ITSN2: variants seen among roughly 807,000 people sequenced by gnomAD.
The protein encoded by ITSN2 is intersectin-2.
A neutral mutation model predicts 243.7 loss-of-function variants in ITSN2; 156 were observed. The observed-to-expected ratio is 0.64, with a 90% confidence interval of 0.56 to 0.73. The LOEUF is 0.73. Ranked by LOEUF, ITSN2 falls within the 30% of genes least tolerant of loss-of-function variation. The pLI, the probability that ITSN2 is intolerant of heterozygous loss-of-function variation, is 0.00. For missense variants in ITSN2, 1,801 were observed against 1,996.1 expected, an observed-to-expected ratio of 0.90 and a Z score of 1.86; for synonymous variants, 703 against 699.9, an observed-to-expected ratio of 1.00 and a Z score of -0.07.
chr2:24,254,571 T>G, intron 23 of ITSN2, 140 bp from the exon 24 acceptor site: 1 of 575,736 alleles, frequency 1.7e-6, no homozygotes, highest in East Asian at 2.8e-5. Context: ...TACACAGAAC[T>G]GGGAAGACTT....
At chr2:24,347,917 T>C (rs1484343026) in intron 1 of ITSN2, among the ~76,000 whole-genome samples, 2 of 151,744 alleles carry the variant, frequency 1.3e-5, no homozygotes, top group African/African-American at 4.8e-5. Context: ...ACCAATAATT[T>C]TAAAATTAGC....
rs1424489477 is a variant in ITSN2, at chr2:24,284,760, A to G, written c.1944+3T>C. On this transcript the variant is annotated splice_donor_region_variant and intron_variant, in intron 17 of 39. Transcript: ENST00000355123. ...GAAAAGAAGCTAGATATTAGAAAATAACCTTAAGTAAGAGGAAGAGGTTGT... is the reference window on the plus strand; with the variant it reads ...GAAAAGAAGCTAGATATTAGAAAATGACCTTAAGTAAGAGGAAGAGGTTGT... 1 of 1,552,640 alleles carries G rather than the reference A, an allele frequency of 6.4e-7. No homozygotes were observed. The highest frequency in any genetic ancestry group is 8.9e-7 in the Non-Finnish European group (1 of 1,127,448).
Position 24,257,869 on chromosome 2 carries a change from A to C in ITSN2, c.2888+19T>G. 6.3e-7 allele frequency: 1 copy of C among 1,582,832 alleles called. No homozygotes were observed. Among genetic ancestry groups the C allele is most frequent in the Non-Finnish European group, 8.7e-7 (1 of 1,151,656 alleles). ...AATACCAACATCCACATCTCATGAAAACACATAAAGATGCTTACTCTTCCC... is the reference window on the plus strand; with the variant it reads ...AATACCAACATCCACATCTCATGAACACACATAAAGATGCTTACTCTTCCC... On this transcript the variant is annotated intron_variant, in intron 23 of 39. Coordinates refer to ENST00000355123, the MANE Select transcript of ITSN2 (RefSeq NM_006277.3).
In ITSN2 at chr2:24,217,987, T is replaced by G; in HGVS notation, c.3726A>C (p.Ser1242=). The G allele has an allele frequency of 6.2e-7, 1 of 1,613,978 alleles. No individual in the cohort carries two copies. The highest frequency in any genetic ancestry group is 8.5e-7 in the Non-Finnish European group (1 of 1,179,864). ...CCATCTCCCCTTCAGTGAGAAAGCC[T>G]GACTCTGCCATGCGTTTCTGAAAAA... is the stretch of plus-strand genomic sequence containing the variant. ...VEVFQKRMAE[S]GFLTEGEMAL... is the part of the protein sequence containing the mutation. The change falls in exon 31 of 40, where the codon TCA becomes TCC. Residue 1242 remains serine (S), a synonymous_variant. Coordinates refer to ENST00000355123, the MANE Select transcript of ITSN2 (RefSeq NM_006277.3).
At chr2:24,343,295 T>C (rs1259205640) in intron 1 of ITSN2, among the ~76,000 whole-genome samples, 2 of 152,158 alleles carry the variant, frequency 1.3e-5, no homozygotes, top group Admixed American at 6.5e-5. Flanking sequence ...ATTAGCAGTT[T>C]TGAATAGATT....
Position 24,212,766 on chromosome 2 carries a change from G to T in ITSN2, c.3991-18C>A. The T allele has an allele frequency of 6.3e-7, 1 of 1,597,438 alleles. No homozygotes were observed. Among genetic ancestry groups the T allele is most frequent in the Non-Finnish European group, 8.6e-7 (1 of 1,164,698 alleles). ...GCCAGCTTCTGCAAAACAACAGTGA[G>T]GCTCGTGAGGAAATCACAGCTCCGA... On this transcript the variant is annotated intron_variant, in intron 32 of 39. Coordinates refer to ENST00000355123, the MANE Select transcript of ITSN2 (RefSeq NM_006277.3).
rs1680871672 is a variant in ITSN2 at position 24,295,690 on chromosome 2, T to C, written c.1609A>G (p.Ile537Val). Residue 537 changes from isoleucine (I) to valine (V), a missense_variant, in exon 14 of 40, where the codon ATC (isoleucine) becomes GTC (valine). Coordinates refer to ENST00000355123, the MANE Select transcript of ITSN2 (RefSeq NM_006277.3). Reference sequence around the variant, plus strand: ...TGAAGTTCCTGTTGAAGTTGCTTGATTTCCATAATTTCCAAGTCACACTGC... The same window carrying C: ...TGAAGTTCCTGTTGAAGTTGCTTGACTTCCATAATTTCCAAGTCACACTGC... ...DKQCDLEIMEIKQLQQELQEY... is the reference protein window; with the variant it reads ...DKQCDLEIMEVKQLQQELQEY... The C allele has an allele frequency of 1.9e-6, 3 of 1,544,632 alleles. No individual in the cohort carries two copies. In the African/African-American group the frequency reaches 4.3e-5, roughly 22 times the overall value.
At chr2:24,214,124 T>C (rs552186545) in intron 32 of ITSN2, among the ~76,000 whole-genome samples, 1 of 152,254 alleles carries the variant, frequency 6.6e-6, no homozygotes, top group Non-Finnish European at 1.5e-5. Context: ...AAGCATAGTA[T>C]GCTATAGCCT....
At chr2:24,234,082 T>C (rs1353234981) in intron 29 of ITSN2, among the ~76,000 whole-genome samples, 2 of 152,022 alleles carry the variant, frequency 1.3e-5, no homozygotes, top group African/African-American at 4.8e-5. Context: ...CAAGACTTAC[T>C]AGAAAGCTGC....
At chr2:24,255,108 T>C (rs540333953) in intron 23 of ITSN2, among the ~76,000 whole-genome samples, 2 of 152,364 alleles carry the variant, frequency 1.3e-5, no homozygotes, top group South Asian at 2.1e-4. Context: ...TTTCAAGTTA[T>C]ATGCCTTATC....
Position 24,204,558 on chromosome 2 carries a change from C to A in ITSN2, c.4763-140G>T. On this transcript the variant is annotated intron_variant, in intron 38 of 39. Coordinates refer to ENST00000355123, the MANE Select transcript of ITSN2 (RefSeq NM_006277.3). The surrounding 1 kb of genome is among the most constrained non-coding windows in gnomAD (Gnocchi z 5.1). The stretch of plus-strand genomic sequence containing the variant: ...CAGCAGGAGCCGCTGCCTGGGGCAC[C>A]ATATCCCTGTGGTCTAGTAACAGGG... The A allele has an allele frequency of 1.3e-6, 1 of 765,274 alleles. No individual in the cohort carries two copies. Among genetic ancestry groups the A allele is most frequent in the East Asian group, 2.6e-5 (1 of 38,412 alleles). 47.4% of individuals were successfully genotyped at this position (765,274 alleles called of 1,614,324 possible).
intron 37 of ITSN2, 42 bp from the exon 38 acceptor site, chr2:24,205,339 G>T: frequency 6.5e-7 from 1 of 1,531,498 alleles, no homozygotes; most frequent in Non-Finnish European, 9.0e-7. Context: ...TCTTCTCCAA[G>T]GATGCAGACC....
At chr2:24,338,149 T>G (rs555699739) in intron 1 of ITSN2, among the ~76,000 whole-genome samples, 28 of 152,300 alleles carry the variant, frequency 1.8e-4, no homozygotes, top group African/African-American at 6.0e-4. Context: ...ATCTATCCTC[T>G]CAGAAGCCTG....
intron 37 of ITSN2, among the ~76,000 whole-genome samples, chr2:24,206,430 C>T (rs1437622333): frequency 6.6e-6 from 1 of 151,120 alleles, no homozygotes; most frequent in Non-Finnish European, 1.5e-5. Context: ...GCAGCTGGCT[C>T]AGAGCACAGG....
intron 29 of ITSN2, among the ~76,000 whole-genome samples, chr2:24,234,839 A>G (rs1671984388): frequency 6.6e-6 from 1 of 152,234 alleles, no homozygotes; most frequent in Admixed American, 6.5e-5. Context: ...TAACACTGAC[A>G]CCACCAAATG....
intron 1 of ITSN2, among the ~76,000 whole-genome samples, chr2:24,350,776 T>C (rs756636971): frequency 6.6e-6 from 1 of 152,218 alleles, no homozygotes; most frequent in Non-Finnish European, 1.5e-5. Context: ...ATTCCATTTA[T>C]ATGAAATGTC....
chr2:24,292,492 C>T (rs192312701), intron 15 of ITSN2, among the ~76,000 whole-genome samples: 7 of 152,214 alleles, frequency 4.6e-5, no homozygotes, highest in African/African-American at 1.4e-4. Flanking sequence ...CATGGATAGA[C>T]CACATCAATG....
chr2:24,252,847 C>T (rs1203982816), intron 24 of ITSN2, among the ~76,000 whole-genome samples: 2 of 152,142 alleles, frequency 1.3e-5, no homozygotes, highest in Non-Finnish European at 2.9e-5. Context: ...TTAAGTCACT[C>T]AGTTATTCAG....
At chr2:24,317,883 T>C (rs962637057) in intron 2 of ITSN2, among the ~76,000 whole-genome samples, 1 of 152,220 alleles carries the variant, frequency 6.6e-6, no homozygotes, top group African/African-American at 2.4e-5. Flanking sequence ...ACTGACTATA[T>C]TGGACCTTTG....
Sources: allele counts gnomAD v4.1 joint callset (sites outside exome capture counted in the v4.1 genomes callset), GRCh38; gene constraint gnomAD v4.1.1; non-coding constraint Gnocchi (gnomAD v3.1); transcripts MANE v1.5; gene names NCBI Gene and HGNC (gene_info 2026-07-23, HGNC 2026-07-21).